The following KIF13A variants were observed in gnomAD, a reference collection of about 807,000 sequenced individuals.
KIF13A encodes kinesin family member 13A.
Under a neutral mutation model 212.2 loss-of-function variants are expected in KIF13A, and 79 were observed. That is an observed-to-expected ratio of 0.37 (90% confidence interval 0.31 to 0.45). The LOEUF is 0.45. KIF13A is among the 20% of genes least tolerant of loss of function. The probability of loss-of-function intolerance (pLI) is 1.00; values close to 1 mark genes in which losing one functional copy is unlikely to be tolerated. For synonymous variants in KIF13A, 789 were observed against 808.6 expected (o/e 0.98, Z 0.41); for missense variants, 1,901 against 2,209.0 (o/e 0.86, Z 2.79).
Position 17,794,714 on chromosome 6 carries a change from C to A in KIF13A, c.2943-10G>T. On this transcript the variant is annotated splice_polypyrimidine_tract_variant and intron_variant, in intron 23 of 38. Coordinates refer to ENST00000259711, the MANE Select transcript of KIF13A (RefSeq NM_022113.6). This position sits in a 1 kb window ranked among gnomAD's most constrained non-coding sequence, Gnocchi z 4.1. ...CGTTACTTCATTCCACCTGCAGAAA[C>A]ACATTCCAACAAGCAAGAGCGTCAT... The A allele has an allele frequency of 6.2e-7, 1 of 1,603,000 alleles. No homozygotes were observed. Among genetic ancestry groups the A allele is most frequent in the Non-Finnish European group, 8.5e-7 (1 of 1,177,336 alleles).
Position 17,768,678 on chromosome 6 carries a change from CTG to C in KIF13A, c.4581+2434_4581+2435del, listed in dbSNP as rs1224836973. 6.6e-6 allele frequency among the ~76,000 whole-genome samples: 1 copy of C among 152,208 alleles called. No individual in the cohort carries two copies. On this transcript the variant is annotated intron_variant, in intron 38 of 38. Transcript: ENST00000259711. The surrounding 1 kb of genome is among the most constrained non-coding windows in gnomAD (Gnocchi z 5.4). ...CTCTTTGGTCTTATGCTATCATTAA[CTG>C]TGAGACCTTGAGCAAGTTGCTCAAC...
At chr6:17,942,138 A>T (rs914541795) in intron 2 of KIF13A, among the ~76,000 whole-genome samples, 1 of 151,608 alleles carries the variant, frequency 6.6e-6, no homozygotes, top group Non-Finnish European at 1.5e-5. Context: ...TCATCTCTAT[A>T]AAAAAACACA....
At chr6:17,803,881 C>T (rs529159702) in intron 20 of KIF13A, among the ~76,000 whole-genome samples, 52 of 152,132 alleles carry the variant, frequency 3.4e-4, no homozygotes, top group Non-Finnish European at 5.7e-4. Context: ...GGCCAGGCAC[C>T]GTGGCTCACG....
intron 2 of KIF13A, among the ~76,000 whole-genome samples, chr6:17,941,820 A>G (rs987316562): frequency 2.0e-5 from 3 of 151,208 alleles, no homozygotes; most frequent in Non-Finnish European, 1.5e-5. Context: ...AATTCACAGT[A>G]GATGTTCTAA....
chr6:17,805,149 C>T (rs530874024), intron 19 of KIF13A, among the ~76,000 whole-genome samples: 1 of 152,304 alleles, frequency 6.6e-6, no homozygotes, highest in African/African-American at 2.4e-5. Flanking sequence ...TGATTTTTCA[C>T]AGCACCGATA....
intron 2 of KIF13A, among the ~76,000 whole-genome samples, chr6:17,980,374 C>T (rs542269785): frequency 6.6e-6 from 1 of 152,166 alleles, no homozygotes; most frequent in East Asian, 1.9e-4. Flanking sequence ...AAAATGGAGG[C>T]AGGAAACCAA....
In KIF13A at chr6:17,775,013, A is replaced by T; in HGVS notation, c.4218+2T>A. ...AACCTAGCCATGCCCATAGGTGCATACCTTGTCATCTTCATCAAAGCCAGA... is the reference window on the plus strand; with the variant it reads ...AACCTAGCCATGCCCATAGGTGCATTCCTTGTCATCTTCATCAAAGCCAGA... On this transcript the variant is annotated splice_donor_variant, in intron 35 of 38. Transcript: ENST00000259711. LOFTEE classifies it high-confidence loss of function. The T allele has an allele frequency of 6.2e-7, 1 of 1,610,108 alleles. No individual in the cohort carries two copies. The highest frequency in any genetic ancestry group is 2.2e-5 in the East Asian group (1 of 44,810).
Position 17,824,615 on chromosome 6 carries a change from G to C in KIF13A, c.1786+1153C>G, listed in dbSNP as rs1562020828. ...CTCTACTAAAAATACAAAAAAATTAGCCAGGTGTGGTCACGGGCGCCTGTG... is the reference window on the plus strand; with the variant it reads ...CTCTACTAAAAATACAAAAAAATTACCCAGGTGTGGTCACGGGCGCCTGTG... On this transcript the variant is annotated intron_variant, in intron 16 of 38. Transcript: ENST00000259711. Among the ~76,000 whole-genome samples, 6 of 151,910 alleles carry C rather than the reference G, an allele frequency of 3.9e-5. No homozygotes were observed. In the South Asian group the frequency reaches 1.2e-3, roughly 32 times the overall value.
chr6:17,971,438 T>G lies in KIF13A; in HGVS notation c.146+15616A>C, dbSNP rs1158545482. Among the ~76,000 whole-genome samples, 1 of 152,162 alleles carries G rather than the reference T, an allele frequency of 6.6e-6. No individual in the cohort carries two copies. The highest frequency in any genetic ancestry group is 1.9e-4 in the East Asian group (1 of 5,200). ...AGCGGTTTGTTTTTTTCCTTTTTTTTTGACACAGGGTCTCACTCTGTCGCC... is the reference window on the plus strand; with the variant it reads ...AGCGGTTTGTTTTTTTCCTTTTTTTGTGACACAGGGTCTCACTCTGTCGCC... On this transcript the variant is annotated intron_variant, in intron 2 of 38. Transcript: ENST00000259711. This position sits in a 1 kb window ranked among gnomAD's most constrained non-coding sequence, Gnocchi z 4.2.
Position 17,786,337 on chromosome 6 carries a change from G to T in KIF13A, c.3362-696C>A, listed in dbSNP as rs539073332. Among the ~76,000 whole-genome samples, 58 of 152,226 alleles carry T rather than the reference G, an allele frequency of 3.8e-4. 2 individuals carry two copies. The South Asian group carries it at 0.012, about 31-fold the overall frequency. On this transcript the variant is annotated intron_variant, in intron 27 of 38. Coordinates refer to ENST00000259711, the MANE Select transcript of KIF13A (RefSeq NM_022113.6). The surrounding 1 kb of genome is among the most constrained non-coding windows in gnomAD (Gnocchi z 5.4). ...CCATAGGCCGGGCACGGTGGCTCAC[G>T]GCTGTAACCCCAGCACTTTTGGAGG... is the stretch of plus-strand genomic sequence containing the variant.
rs1316457623 is a variant in KIF13A, at chr6:17,918,542, T to A, written c.147-20362A>T. 6.6e-6 allele frequency among the ~76,000 whole-genome samples: 1 copy of A among 152,214 alleles called. No homozygotes were observed. The highest frequency in any genetic ancestry group is 1.5e-5 in the Non-Finnish European group (1 of 68,038). On this transcript the variant is annotated intron_variant, in intron 2 of 38. Coordinates refer to ENST00000259711, the MANE Select transcript of KIF13A (RefSeq NM_022113.6). The surrounding 1 kb of genome is among the most constrained non-coding windows in gnomAD (Gnocchi z 4.8). The stretch of plus-strand genomic sequence containing the variant: ...AGCTCTTAAAGTGGCAGGTATCAAG[T>A]GGGGAAGCTAATTCCCACTTCTGGG...
intron 17 of KIF13A, chr6:17,815,739 A>T (rs1267473457): frequency 4.1e-6 from 1 of 241,128 alleles, no homozygotes; most frequent in East Asian, 1.0e-4. Flanking sequence ...TATTTCTAGT[A>T]TAACTATTCT....
chr6:17,785,000 C>T (rs1760925818), intron 28 of KIF13A, among the ~76,000 whole-genome samples: 1 of 151,994 alleles, frequency 6.6e-6, no homozygotes, highest in African/African-American at 2.4e-5. Context: ...CTTAAATGCC[C>T]TGGATATGTT....
At chr6:17,874,818 T>A (rs1770355267) in intron 3 of KIF13A, among the ~76,000 whole-genome samples, 1 of 151,930 alleles carries the variant, frequency 6.6e-6, no homozygotes. Flanking sequence ...TTCTTATGCC[T>A]TTCTGTCCTC....
chr6:17,935,591 G>C (rs1263918837), intron 2 of KIF13A, among the ~76,000 whole-genome samples: 1 of 152,112 alleles, frequency 6.6e-6, no homozygotes, highest in African/African-American at 2.4e-5. Context: ...GAACCTCTAA[G>C]CACCAATTTC....
At chr6:17,906,953 T>C (rs2150497120) in intron 2 of KIF13A, among the ~76,000 whole-genome samples, 1 of 152,276 alleles carries the variant, frequency 6.6e-6, no homozygotes, top group Non-Finnish European at 1.5e-5. Context: ...CTGGGTGAGA[T>C]AAGATGCTAC....
At position 17,786,484 on chromosome 6, in the gene KIF13A, C is replaced by T. The variant is rs763376964; in HGVS notation, c.3362-843G>A. Among the ~76,000 whole-genome samples the T allele has an allele frequency of 2.0e-5, 3 of 151,910 alleles. No individual in the cohort carries two copies. The highest frequency in any genetic ancestry group is 4.8e-5 in the African/African-American group (2 of 41,348). ...CGTGGTGGTGGGCGCCTTGTAGTCC[C>T]AGCTACTCAGGAGACTGAGGCAGGA... On this transcript the variant is annotated intron_variant, in intron 27 of 38. Transcript: ENST00000259711. This position sits in a 1 kb window ranked among gnomAD's most constrained non-coding sequence, Gnocchi z 5.4.
chr6:17,794,438 G>T lies in KIF13A; in HGVS notation c.3076-43C>A, dbSNP rs1196744327. 7.6e-6 allele frequency: 12 copies of T among 1,587,888 alleles called. No homozygotes were observed. The African/African-American group carries it at 1.2e-4, about 16-fold the overall frequency. On this transcript the variant is annotated intron_variant, in intron 24 of 38. Transcript: ENST00000259711. This position sits in a 1 kb window ranked among gnomAD's most constrained non-coding sequence, Gnocchi z 4.1. ...GAGTATGGGTGCCAGGAATGATAAT[G>T]AAAAGGAACGGGATAAAGAAGGGGA...
intron 2 of KIF13A, among the ~76,000 whole-genome samples, chr6:17,907,029 C>T (rs944851538): frequency 6.6e-6 from 1 of 152,088 alleles, no homozygotes; most frequent in Non-Finnish European, 1.5e-5. Flanking sequence ...CTAACCTGGT[C>T]ATATAGTATA....
Sources: gnomAD v4.1 joint callset for allele counts (sites outside exome capture counted in the v4.1 genomes callset) on GRCh38, gnomAD v4.1.1 for gene constraint, Gnocchi (gnomAD v3.1) non-coding constraint, MANE v1.5 for transcripts, NCBI Gene and HGNC (gene_info 2026-07-23, HGNC 2026-07-21) for gene names.